Variants in WWOX observed in about 807,000 individuals in gnomAD.
The protein encoded by WWOX is WW domain containing oxidoreductase, also known as WW domain-containing oxidoreductase.
In WWOX, 69 loss-of-function variants were observed where a neutral mutation model predicts 46.2. The ratio of observed to expected loss-of-function variants is 1.49; its 90% CI spans 1.23 to 1.82. The LOEUF is 1.82. Among genes scored for constraint, WWOX ranks in the 40% most tolerant of loss-of-function variants. The pLI is 0.00. For missense variants in WWOX, 919 were observed against 542.6 expected (o/e 1.69, Z -6.89); for synonymous variants, 359 against 202.6 (o/e 1.77, Z -6.56).
intron 8 of WWOX, among the ~76,000 whole-genome samples, chr16:79,118,020 A>T (rs764494528): frequency 6.6e-6 from 1 of 152,152 alleles, no homozygotes; most frequent in Non-Finnish European, 1.5e-5. Context: ...TCCTTCAAGA[A>T]CTTTTTCTTT....
chr16:78,888,730 C>G (rs895541792), intron 8 of WWOX, among the ~76,000 whole-genome samples: 1 of 152,164 alleles, frequency 6.6e-6, no homozygotes, highest in Admixed American at 6.5e-5. Context: ...GACTAGACAA[C>G]GAAATACATT....
intron 8 of WWOX, among the ~76,000 whole-genome samples, chr16:78,774,849 G>T (rs777558969): frequency 1.3e-5 from 2 of 152,188 alleles, no homozygotes; most frequent in Non-Finnish European, 2.9e-5. Flanking sequence ...CATTCTGCAA[G>T]TCCATCCCCT....
intron 5 of WWOX, among the ~76,000 whole-genome samples, chr16:78,377,384 A>T (rs771723216): frequency 6.6e-6 from 1 of 152,226 alleles, no homozygotes; most frequent in Non-Finnish European, 1.5e-5. Flanking sequence ...GCTATTTTAT[A>T]TGCCATTATA....
intron 8 of WWOX, among the ~76,000 whole-genome samples, chr16:78,816,672 A>T (rs931178973): frequency 6.6e-6 from 1 of 152,038 alleles, no homozygotes; most frequent in African/African-American, 2.4e-5. Context: ...TTGTAGTACA[A>T]TGTTCAGGAC....
chr16:78,160,797 G>GT (rs2034768360), intron 4 of WWOX, among the ~76,000 whole-genome samples: 2 of 152,032 alleles, frequency 1.3e-5, no homozygotes, highest in African/African-American at 4.8e-5. Flanking sequence ...ATTATTTTCA[G>GT]TTTATCAATT....
intron 5 of WWOX, among the ~76,000 whole-genome samples, chr16:78,303,798 G>T (rs907128020): frequency 2.6e-5 from 4 of 152,080 alleles, no homozygotes; most frequent in African/African-American, 9.7e-5. Context: ...CTTGGCCTTG[G>T]CCTCCCAAAG....
intron 8 of WWOX, among the ~76,000 whole-genome samples, chr16:78,447,153 A>G (rs1286057615): frequency 2.0e-5 from 3 of 152,178 alleles, no homozygotes; most frequent in Non-Finnish European, 4.4e-5. Context: ...TGATCTTACA[A>G]AAATCTGGCT....
chr16:78,277,072 AC>A (rs1246158746), intron 5 of WWOX, among the ~76,000 whole-genome samples: 1 of 152,148 alleles, frequency 6.6e-6, no homozygotes, highest in African/African-American at 2.4e-5. Flanking sequence ...TGGTCAGCAG[AC>A]CCGGTGAAGT....
chr16:79,040,753 C>CA, intron 8 of WWOX, among the ~76,000 whole-genome samples: 1 of 152,166 alleles, frequency 6.6e-6, no homozygotes, highest in South Asian at 2.1e-4. Flanking sequence ...GACTTGTCAG[C>CA]CAGGGAACCT....
At chr16:78,577,250 GA>G (rs1020830610) in intron 8 of WWOX, among the ~76,000 whole-genome samples, 7 of 152,190 alleles carry the variant, frequency 4.6e-5, no homozygotes, top group Non-Finnish European at 1.0e-4. Flanking sequence ...TGAGAGGATG[GA>G]AAATGAATAT....
intron 8 of WWOX, among the ~76,000 whole-genome samples, chr16:78,720,954 G>A (rs985770733): frequency 2.0e-5 from 3 of 152,090 alleles, no homozygotes; most frequent in Non-Finnish European, 4.4e-5. Context: ...ATCATCAGGG[G>A]AGCCAAGTGG....
intron 5 of WWOX, among the ~76,000 whole-genome samples, chr16:78,330,221 C>T (rs2080722504): frequency 6.6e-6 from 1 of 152,016 alleles, no homozygotes; most frequent in South Asian, 2.1e-4. Context: ...TTAATAAAAA[C>T]CAATAACTAT....
chr16:78,344,248 G>A lies in WWOX; in HGVS notation c.517-42612G>A, dbSNP rs112020354. On this transcript the variant is annotated intron_variant, in intron 5 of 8. Coordinates refer to ENST00000566780, the MANE Select transcript of WWOX (RefSeq NM_016373.4). ...ATGATGAATAAATATGCTGGGCCCA[G>A]AGGACTCCAGGTGATAAGCATTTCT... Among the ~76,000 whole-genome samples, 15 of 120,422 alleles carry A rather than the reference G, an allele frequency of 1.2e-4. 6 individuals are homozygous for A. The highest frequency in any genetic ancestry group is 3.7e-4 in the African/African-American group (13 of 35,518). The allele number at this position is 120,422 out of a possible 152,430, so 79.0% of individuals were successfully genotyped here.
intron 8 of WWOX, among the ~76,000 whole-genome samples, chr16:78,970,711 G>C (rs1429201914): frequency 6.6e-6 from 1 of 152,146 alleles, no homozygotes; most frequent in Non-Finnish European, 1.5e-5. Context: ...GAGGAGCCAT[G>C]TGTAGAACTT....
chr16:79,014,254 G>A (rs961662900), intron 8 of WWOX, among the ~76,000 whole-genome samples: 2 of 152,140 alleles, frequency 1.3e-5, no homozygotes, highest in African/African-American at 2.4e-5. Context: ...TGGTTATGAC[G>A]CATGGGACGG....
chr16:78,629,139 G>A lies in WWOX; in HGVS notation c.1056+196387G>A, dbSNP rs116287012. Among the ~76,000 whole-genome samples the A allele has an allele frequency of 2.0e-3, 310 of 152,222 alleles. 1 individual carries two copies. Among genetic ancestry groups the A allele is most frequent in the African/African-American group, 7.2e-3 (297 of 41,534 alleles). On this transcript the variant is annotated intron_variant, in intron 8 of 8. Transcript: ENST00000566780. Reference sequence around the variant, plus strand: ...AAATAAAATGAAAACTTTTCAAAGGGCACCACTGCTCGCATTCCCATGTTG... The same window carrying A: ...AAATAAAATGAAAACTTTTCAAAGGACACCACTGCTCGCATTCCCATGTTG...
At chr16:79,132,767 G>A (rs892022455) in intron 8 of WWOX, among the ~76,000 whole-genome samples, 2 of 152,180 alleles carry the variant, frequency 1.3e-5, no homozygotes, top group Admixed American at 1.3e-4. Context: ...TCTAAATTCA[G>A]TTTTGAATAT....
At chr16:78,310,781 C>A (rs528313315) in intron 5 of WWOX, among the ~76,000 whole-genome samples, 3 of 152,288 alleles carry the variant, frequency 2.0e-5, no homozygotes, top group Admixed American at 6.5e-5. Context: ...CTGTGTCAGC[C>A]CATTTTCATC....
chr16:79,022,842 TAG>T (rs1159199887), intron 8 of WWOX, among the ~76,000 whole-genome samples: 3 of 152,332 alleles, frequency 2.0e-5, no homozygotes, highest in South Asian at 2.1e-4. Flanking sequence ...CTTCTGCAGA[TAG>T]AGTCTGTGCT....
Sources: gnomAD v4.1 joint callset for allele counts (sites outside exome capture counted in the v4.1 genomes callset) on GRCh38, gnomAD v4.1.1 for gene constraint, MANE v1.5 for transcripts, NCBI Gene and HGNC (gene_info 2026-07-23, HGNC 2026-07-21) for gene names.